KMT2B: variants seen among roughly 807,000 people sequenced by gnomAD.
KMT2B encodes lysine methyltransferase 2B, also known as histone-lysine N-methyltransferase 2B.
In KMT2B, 22 loss-of-function variants were observed where a neutral mutation model predicts 255.3. That is an observed-to-expected ratio of 0.09 (90% CI 0.06 to 0.12). The LOEUF (loss-of-function observed/expected upper bound fraction) is 0.12, where lower values mean the gene tolerates loss of function less well. KMT2B is among the 10% of genes least tolerant of loss of function. The pLI is 1.00. For missense variants in KMT2B, 3,149 were observed against 3,737.0 expected, an observed-to-expected ratio of 0.84 and a Z score of 4.10; for synonymous variants, 1,730 against 1,498.1, an observed-to-expected ratio of 1.15 and a Z score of -3.57.
rs1436883406 is a variant in KMT2B at position 35,737,842 on chromosome 19, C to A, written c.7659-17C>A. The A allele has an allele frequency of 1.9e-6, 3 of 1,560,204 alleles. No individual in the cohort carries two copies. The highest frequency in any genetic ancestry group is 1.4e-5 in the African/African-American group (1 of 73,490). On this transcript the variant is annotated splice_polypyrimidine_tract_variant and intron_variant, in intron 34 of 36. Transcript: ENST00000420124. The surrounding 1 kb of genome is among the most constrained non-coding windows in gnomAD (Gnocchi z 5.3). ...ATTCTGAGCACCAGCCTGGGTGACACTGCTGTCCCTCACCAGACGTGCCAC... is the reference window on the plus strand; with the variant it reads ...ATTCTGAGCACCAGCCTGGGTGACAATGCTGTCCCTCACCAGACGTGCCAC...
At chr19:35,722,245 T>C in intron 3 of KMT2B, 114 bp from the exon 4 acceptor site, 2 of 1,066,508 alleles carry the variant, frequency 1.9e-6, no homozygotes, top group Non-Finnish European at 2.6e-6. Flanking sequence ...CCTCGTGATC[T>C]GCCCGTCTCG....
In KMT2B at chr19:35,723,576, T is replaced by C. The variant is rs1969304373; in HGVS notation, c.3058+74T>C. The C allele has an allele frequency of 5.0e-6, 7 of 1,409,532 alleles. No homozygotes were observed. The highest frequency in any genetic ancestry group is 6.8e-6 in the Non-Finnish European group (7 of 1,035,684). 87.3% of individuals were successfully genotyped at this position (1,409,532 alleles called of 1,614,324 possible). A position where few individuals can be genotyped will look rare whatever the true frequency, so the allele number is the denominator to read the frequency against. ...TGCTGTGGAGGGAGCTGTTTTTCTT[T>C]GCTCTCCTCCCTTGCAGCTCACCCT... On this transcript the variant is annotated intron_variant, in intron 7 of 36. Coordinates refer to ENST00000420124, the MANE Select transcript of KMT2B (RefSeq NM_014727.3). This position sits in a 1 kb window ranked among gnomAD's most constrained non-coding sequence, Gnocchi z 7.5.
Position 35,725,834 on chromosome 19 carries a change from C to T in KMT2B, c.3885+16C>T. 2 of 1,553,470 alleles carry T rather than the reference C, an allele frequency of 1.3e-6. No homozygotes were observed. The highest frequency in any genetic ancestry group is 1.7e-6 in the Non-Finnish European group (2 of 1,146,880). On this transcript the variant is annotated intron_variant, in intron 13 of 36. Coordinates refer to ENST00000420124, the MANE Select transcript of KMT2B (RefSeq NM_014727.3). This position sits in a 1 kb window ranked among gnomAD's most constrained non-coding sequence, Gnocchi z 4.1. Reference sequence around the variant, plus strand: ...GCGCCACTGGGTGAGAGATGAGGTTCACCCACTTGCTTTGTCTCTAATGAA... The same window carrying T: ...GCGCCACTGGGTGAGAGATGAGGTTTACCCACTTGCTTTGTCTCTAATGAA...
chr19:35,738,793 A>T lies in KMT2B; in HGVS notation c.*236A>T, dbSNP rs1407147847. On this transcript the variant is annotated 3_prime_UTR_variant, in exon 37 of 37. Transcript: ENST00000420124. The surrounding 1 kb of genome is among the most constrained non-coding windows in gnomAD (Gnocchi z 8.7). ...GTAGATATTGTACAAAGGTTTCTAAATCCCTTCTTTTCTATGCACTTTTTT... is the reference window on the plus strand; with the variant it reads ...GTAGATATTGTACAAAGGTTTCTAATTCCCTTCTTTTCTATGCACTTTTTT... 1 of 556,068 alleles carries T rather than the reference A, an allele frequency of 1.8e-6. No individual in the cohort carries two copies. The highest frequency in any genetic ancestry group is 3.1e-6 in the Non-Finnish European group (1 of 317,546). 34.4% of individuals were successfully genotyped at this position (556,068 alleles called of 1,614,324 possible).
rs1373496886 is a variant in KMT2B, at chr19:35,720,314, C to T, written c.967C>T (p.Leu323Phe). Residue 323 changes from leucine to phenylalanine, a missense_variant, in exon 3 of 37, where the codon CTC (leucine) becomes TTC (phenylalanine). Transcript: ENST00000420124. The part of the protein sequence containing the change: ...KVKMGQLSLG[L>F]ESGQGQGQHE... Reference sequence around the variant, plus strand: ...AAAGATGGGACAATTGTCCTTGGGACTCGAATCAGGTCAAGGTCAAGGTCA... The same window carrying T: ...AAAGATGGGACAATTGTCCTTGGGATTCGAATCAGGTCAAGGTCAAGGTCA... The T allele has an allele frequency of 1.2e-6, 2 of 1,613,034 alleles. No individual in the cohort carries two copies. Among genetic ancestry groups the T allele is most frequent in the Admixed American group, 1.7e-5 (1 of 59,912 alleles).
Position 35,724,624 on chromosome 19 carries a change from G to A in KMT2B, c.3335-13G>A, listed in dbSNP as rs376558321. On this transcript the variant is annotated splice_polypyrimidine_tract_variant and intron_variant, in intron 8 of 36. Transcript: ENST00000420124. ...AAGGGGAGTGACCTCACTGCTCATTGTGTCCTGCCTAGAGCTGCCACTGCC... is the reference window on the plus strand; with the variant it reads ...AAGGGGAGTGACCTCACTGCTCATTATGTCCTGCCTAGAGCTGCCACTGCC... The A allele has an allele frequency of 4.9e-4, 779 of 1,580,820 alleles. 1 individual carries two copies. The highest frequency in any genetic ancestry group is 6.3e-4 in the Non-Finnish European group (738 of 1,163,522).
chr19:35,727,685 C>A lies in KMT2B; in HGVS notation c.4303-13C>A, dbSNP rs73590580. The A allele has an allele frequency of 1.2e-6, 2 of 1,613,392 alleles. No homozygotes were observed. Among genetic ancestry groups the A allele is most frequent in the African/African-American group, 1.3e-5 (1 of 74,932 alleles). ...GGCCCACCCCCAGCCCTGCTAACTT[C>A]CCCGCTTTGCAGTGTGGGCCAGATG... is the stretch of plus-strand genomic sequence containing the variant. On this transcript the variant is annotated splice_polypyrimidine_tract_variant and intron_variant, in intron 16 of 36. Transcript: ENST00000420124. The surrounding 1 kb of genome is among the most constrained non-coding windows in gnomAD (Gnocchi z 4.2).
In KMT2B at chr19:35,723,620, G is replaced by A. The variant is rs767242036; in HGVS notation, c.3059-112G>A. The A allele has an allele frequency of 2.0e-4, 259 of 1,297,818 alleles. 1 individual carries two copies. Among genetic ancestry groups the A allele is most frequent in the Non-Finnish European group, 2.6e-4 (249 of 948,798 alleles). 80.4% of individuals were successfully genotyped at this position (1,297,818 alleles called of 1,614,324 possible). On this transcript the variant is annotated intron_variant, in intron 7 of 36. Transcript: ENST00000420124. The surrounding 1 kb of genome is among the most constrained non-coding windows in gnomAD (Gnocchi z 7.5). ...TCACCCTCTCCATCTTCTCCGTTGT[G>A]TGCTTTCATAGCTCCTGCGTTCATT...
chr19:35,719,971 C>G lies in KMT2B; in HGVS notation c.624C>G (p.Ser208Arg). 1 of 1,613,316 alleles carries G rather than the reference C, an allele frequency of 6.2e-7. No individual in the cohort carries two copies. The change falls in exon 3 of 37, where the codon AGC becomes AGG. Residue 208 changes from serine (S) to arginine (R), a missense_variant. Physicochemically the swap from Ser to Arg is moderately radical, Grantham distance 110 (BLOSUM62 -1). This residue lies in a region of KMT2B where 1,188 missense variants were observed against 1,106.4 expected (regional missense o/e 1.07). Transcript: ENST00000420124. Reference protein sequence around the residue: ...RRAQAPQAPRSRACEPSTPRR... With the variant: ...RRAQAPQAPRRRACEPSTPRR... ...CCCAGGCACCCCAAGCACCCCGGAG[C>G]CGGGCATGTGAGCCCTCCACCCCCC...
Position 35,724,027 on chromosome 19 carries a change from T to G in KMT2B, c.3334+20T>G. On this transcript the variant is annotated intron_variant, in intron 8 of 36. Coordinates refer to ENST00000420124, the MANE Select transcript of KMT2B (RefSeq NM_014727.3). ...AAAATGGTGCGAACTGCTTAATGCT[T>G]TCTCTGTTGATCATTTATTTGGTCT... 6.4e-7 allele frequency: 1 copy of G among 1,553,960 alleles called. No individual in the cohort carries two copies. Among genetic ancestry groups the G allele is most frequent in the Non-Finnish European group, 8.7e-7 (1 of 1,149,044 alleles).
intron 3 of KMT2B, among the ~76,000 whole-genome samples, chr19:35,722,147 G>C (rs1969242969): frequency 6.6e-6 from 1 of 152,024 alleles, no homozygotes; most frequent in Non-Finnish European, 1.5e-5. Flanking sequence ...TGGGACTACA[G>C]GTGCCCATCA....
chr19:35,731,611 G>A (rs978525851), intron 26 of KMT2B, among the ~76,000 whole-genome samples: 1 of 152,172 alleles, frequency 6.6e-6, no homozygotes, highest in African/African-American at 2.4e-5. Flanking sequence ...GAAAGTGGTA[G>A]GACTGGCCGT....
Position 35,720,861 on chromosome 19 carries a change from G to T in KMT2B, c.1514G>T (p.Gly505Val), listed in dbSNP as rs113085641. The change falls in exon 3 of 37, where the codon GGC (glycine) becomes GTC (valine). Residue 505 changes from glycine to valine, a missense_variant. Physicochemically the swap from Gly to Val is moderately radical, Grantham distance 109 (BLOSUM62 -3). Around this residue, in one of 18 missense-constraint regions of KMT2B, gnomAD observed 1,188 missense variants for 1,106.4 expected, o/e 1.07. Coordinates refer to ENST00000420124, the MANE Select transcript of KMT2B (RefSeq NM_014727.3). Reference protein sequence around the residue: ...PTPTPSTATGGPPEDSPTVAP... With the variant: ...PTPTPSTATGVPPEDSPTVAP... ...CCAACCCCCAGCACCGCCACGGGAG[G>T]CCCTCCGGAAGACAGTCCCACCGTG... The T allele has an allele frequency of 1.3e-6, 2 of 1,582,698 alleles. No individual in the cohort carries two copies. The highest frequency in any genetic ancestry group is 1.4e-5 in the African/African-American group (1 of 73,838).
chr19:35,726,415 C>A, intron 14 of KMT2B, 62 bp downstream of exon 14: 1 of 1,086,992 alleles, frequency 9.2e-7, no homozygotes, highest in Non-Finnish European at 1.4e-6. Flanking sequence ...GGCTCTTTTA[C>A]AGGCTTTAGC....
chr19:35,734,373 G>T (rs1286106794), intron 30 of KMT2B, among the ~76,000 whole-genome samples: 2 of 152,210 alleles, frequency 1.3e-5, no homozygotes, highest in African/African-American at 4.8e-5. Flanking sequence ...GTGGCACAGG[G>T]TGGGGCGTTG....
In KMT2B at chr19:35,737,675, G is replaced by T; in HGVS notation, c.7590G>T (p.Gln2530His). 1 of 1,576,514 alleles carries T rather than the reference G, an allele frequency of 6.3e-7. No homozygotes were observed. ...ACATGTTCAACTTCCTGGCCTCCCA[G>T]CACCGGGTGCTCCCTGAGGGGGCCA... is the stretch of plus-strand genomic sequence containing the variant. ...TFDMFNFLAS[Q>H]HRVLPEGATC... Residue 2530 changes from glutamine to histidine, a missense_variant, in exon 34 of 37, where the codon CAG (glutamine) becomes CAT (histidine). This residue lies in a region of KMT2B where 103 missense variants were observed against 200.7 expected (regional missense o/e 0.51). Coordinates refer to ENST00000420124, the MANE Select transcript of KMT2B (RefSeq NM_014727.3). The surrounding 1 kb of genome is among the most constrained non-coding windows in gnomAD (Gnocchi z 5.3).
Position 35,718,118 on chromosome 19 carries a change from G to A in KMT2B, c.100G>A (p.Gly34Ser). Reference sequence around the variant, plus strand: ...GGGCGCCGGCGGGGGCGGGGGCCGCGGCGGACGGGGCAACGGGGCCGAAAG... The same window carrying A: ...GGGCGCCGGCGGGGGCGGGGGCCGCAGCGGACGGGGCAACGGGGCCGAAAG... ...PRGAGGGGGR[G>S]GRGNGAERVR... Residue 34 changes from glycine to serine, a missense_variant, in exon 1 of 37, where the codon GGC becomes AGC. By Grantham distance (56) the Gly-to-Ser change is moderately conservative. This residue lies in a region of KMT2B where 10 missense variants were observed against 26.9 expected (regional missense o/e 0.37). Coordinates refer to ENST00000420124, the MANE Select transcript of KMT2B (RefSeq NM_014727.3). The surrounding 1 kb of genome is among the most constrained non-coding windows in gnomAD (Gnocchi z 5.0). The A allele has an allele frequency of 1.0e-6, 1 of 1,004,394 alleles. No individual in the cohort carries two copies. The allele number at this position is 1,004,394 out of a possible 1,614,324, so 62.2% of individuals were successfully genotyped here. A position where few individuals can be genotyped will look rare whatever the true frequency, so the allele number is the denominator to read the frequency against.
At chr19:35,724,078 G>C in intron 8 of KMT2B, 71 bp downstream of exon 8, 3 of 1,425,028 alleles carry the variant, frequency 2.1e-6, no homozygotes, top group Non-Finnish European at 2.8e-6. Context: ...GGAGGGACAA[G>C]GCACCCAGAC....
Position 35,737,574 on chromosome 19 carries a change from C to T in KMT2B, c.7551-62C>T, listed in dbSNP as rs899385202. 1 of 1,091,126 alleles carries T rather than the reference C, an allele frequency of 9.2e-7. No individual in the cohort carries two copies. Among genetic ancestry groups the T allele is most frequent in the African/African-American group, 1.6e-5 (1 of 62,720 alleles). The allele number at this position is 1,091,126 out of a possible 1,614,324, so 67.6% of individuals were successfully genotyped here. On this transcript the variant is annotated intron_variant, in intron 33 of 36. Transcript: ENST00000420124. This position sits in a 1 kb window ranked among gnomAD's most constrained non-coding sequence, Gnocchi z 5.3. ...CTGACATCAGAAAAATGAACCCCAC[C>T]CATTTCCCTGTTAGCTCTGTCTTCA...
Sources: gnomAD v4.1 joint callset for allele counts (sites outside exome capture counted in the v4.1 genomes callset) on GRCh38, gnomAD v4.1.1 for gene constraint, gnomAD v4.1.1 regional missense constraint, Gnocchi (gnomAD v3.1) non-coding constraint, MANE v1.5 for transcripts, NCBI Gene and HGNC (gene_info 2026-07-23, HGNC 2026-07-21) for gene names.